SMARCC1: variants seen among roughly 807,000 people sequenced by gnomAD.
SMARCC1 encodes the protein SWI/SNF related BAF chromatin remodeling complex subunit C1.
A neutral mutation model predicts 147.4 loss-of-function variants in SMARCC1; 43 were observed. The ratio of observed to expected loss-of-function variants is 0.29; its 90% CI spans 0.23 to 0.38. The LOEUF (loss-of-function observed/expected upper bound fraction) is 0.38, where lower values mean the gene tolerates loss of function less well. Ranked by LOEUF, SMARCC1 falls within the 10% of genes least tolerant of loss-of-function variation. SMARCC1 has a pLI of 1.00. For missense variants in SMARCC1, 1,119 were observed against 1,381.1 expected (o/e 0.81, Z 3.01); for synonymous variants, 495 against 484.4 (o/e 1.02, Z -0.29).
chr3:47,638,692 G>A, intron 22 of SMARCC1, 33 bp downstream of exon 22: 1 of 1,552,222 alleles, frequency 6.4e-7, no homozygotes, highest in Non-Finnish European at 8.9e-7. Context: ...TGAAAGGCAT[G>A]CTATCTGTGG....
At position 47,663,537 on chromosome 3, in the gene SMARCC1, G is replaced by A. The variant is rs572225551; in HGVS notation, c.1900-945C>T. 14 of 988,008 alleles carry A rather than the reference G, an allele frequency of 1.4e-5. No homozygotes were observed. In the East Asian group the frequency reaches 2.7e-4, roughly 19 times the overall value. The allele number at this position is 988,008 out of a possible 1,614,324, so 61.2% of individuals were successfully genotyped here. On this transcript the variant is annotated intron_variant, in intron 19 of 27. Coordinates refer to ENST00000254480, the MANE Select transcript of SMARCC1 (RefSeq NM_003074.4). ...GAGGCGAGAGGATCTCTTGAGCCCA[G>A]GGGTTCAAGGCCAGCCTGACAAACA...
chr3:47,731,102 C>T (rs548308272), intron 5 of SMARCC1, among the ~76,000 whole-genome samples: 1 of 152,300 alleles, frequency 6.6e-6, no homozygotes, highest in Admixed American at 6.5e-5. Context: ...TTACACACAG[C>T]AGAATTTCTT....
At chr3:47,612,604 T>C (rs2032578719) in intron 25 of SMARCC1, among the ~76,000 whole-genome samples, 1 of 152,174 alleles carries the variant, frequency 6.6e-6, no homozygotes, top group African/African-American at 2.4e-5. Flanking sequence ...AATCTACTAA[T>C]AAGAGGATGA....
At chr3:47,608,241 T>C (rs939014761) in intron 26 of SMARCC1, among the ~76,000 whole-genome samples, 1 of 152,126 alleles carries the variant, frequency 6.6e-6, no homozygotes, top group African/African-American at 2.4e-5. Flanking sequence ...ATGTGCACCA[T>C]TACACCTGGC....
intron 2 of SMARCC1, among the ~76,000 whole-genome samples, chr3:47,755,800 G>A (rs1311564412): frequency 6.6e-6 from 1 of 151,726 alleles, no homozygotes; most frequent in Non-Finnish European, 1.5e-5. Context: ...AGACCAGCCT[G>A]ACCAACATGG....
chr3:47,701,447 C>A (rs1352858414), intron 10 of SMARCC1, 45 bp from the exon 11 acceptor site: 5 of 1,557,280 alleles, frequency 3.2e-6, no homozygotes, highest in Middle Eastern at 1.7e-4. Flanking sequence ...CTGATTATAG[C>A]TACTGATAGC....
intron 18 of SMARCC1, among the ~76,000 whole-genome samples, chr3:47,673,639 A>T (rs1201363215): frequency 6.6e-6 from 1 of 152,224 alleles, no homozygotes; most frequent in African/African-American, 2.4e-5. Context: ...CAGTGAGCCA[A>T]CATCGCGCCA....
Position 47,671,173 on chromosome 3 carries a change from C to CAAAAAAAAAAAAA in SMARCC1, c.1840-469_1840-457dup, listed in dbSNP as rs775759680. On this transcript the variant is annotated intron_variant, in intron 18 of 27. Coordinates refer to ENST00000254480, the MANE Select transcript of SMARCC1 (RefSeq NM_003074.4). ...CCTGGGCAACAGAGCGAGACTATCT[C>CAAAAAAAAAAAAA]AAAAAAAAAAAAAAAAAAAAAAAAA... is the stretch of plus-strand genomic sequence containing the variant. 4.2e-3 allele frequency among the ~76,000 whole-genome samples: 123 copies of CAAAAAAAAAAAAA among 29,224 alleles called. 18 individuals are homozygous for CAAAAAAAAAAAAA. Among genetic ancestry groups the CAAAAAAAAAAAAA allele is most frequent in the South Asian group, 8.5e-3 (3 of 352 alleles). 19.2% of individuals were successfully genotyped at this position (29,224 alleles called of 152,430 possible).
intron 25 of SMARCC1, among the ~76,000 whole-genome samples, chr3:47,614,317 G>A (rs1473902329): frequency 6.6e-6 from 1 of 152,126 alleles, no homozygotes; most frequent in East Asian, 1.9e-4. Flanking sequence ...GCTTCTTGAG[G>A]CCACAAGTCT....
intron 26 of SMARCC1, among the ~76,000 whole-genome samples, chr3:47,599,103 C>T (rs2032345678): frequency 6.6e-6 from 1 of 152,060 alleles, no homozygotes; most frequent in South Asian, 2.1e-4. Flanking sequence ...GTTATTCTGA[C>T]AGGCTGTGCG....
Position 47,636,795 on chromosome 3 carries a change from T to A in SMARCC1, c.2377-659A>T, listed in dbSNP as rs1397362139. The stretch of plus-strand genomic sequence containing the variant: ...CCACAACAAAATATATATATGTGTG[T>A]GTGTGTGTGTGTGTGTGTGTGTGTG... On this transcript the variant is annotated intron_variant, in intron 22 of 27. Transcript: ENST00000254480. Among the ~76,000 whole-genome samples, 4 of 52,546 alleles carry A rather than the reference T, an allele frequency of 7.6e-5. No individual in the cohort carries two copies. In the East Asian group the frequency reaches 2.0e-3, roughly 26 times the overall value. The allele number at this position is 52,546 out of a possible 152,430, so 34.5% of individuals were successfully genotyped here. A position where few individuals can be genotyped will look rare whatever the true frequency, so the allele number is the denominator to read the frequency against.
chr3:47,719,565 G>C (rs2034204637), intron 7 of SMARCC1, among the ~76,000 whole-genome samples: 1 of 151,806 alleles, frequency 6.6e-6, no homozygotes, highest in Non-Finnish European at 1.5e-5. Context: ...GCCAGGCATG[G>C]TTGGGGGGCA....
rs530915746 is a variant in SMARCC1 at position 47,663,776 on chromosome 3, G to A, written c.1900-1184C>T. On this transcript the variant is annotated intron_variant, in intron 19 of 27. Transcript: ENST00000254480. ...CCCGGTGGTACCCATAGGTTGCCTG[G>A]CCACGGCGGCCGCCCTCACCTACAG... 7 of 1,572,720 alleles carry A rather than the reference G, an allele frequency of 4.5e-6. No homozygotes were observed. In the East Asian group the frequency reaches 1.6e-4, roughly 35 times the overall value.
chr3:47,731,119 C>T (rs2106823429), intron 5 of SMARCC1, among the ~76,000 whole-genome samples: 1 of 152,284 alleles, frequency 6.6e-6, no homozygotes, highest in South Asian at 2.1e-4. Flanking sequence ...TCTTTCAAAA[C>T]CCTGCTGCTT....
At chr3:47,652,077 C>T (rs2033197069) in intron 21 of SMARCC1, among the ~76,000 whole-genome samples, 1 of 152,182 alleles carries the variant, frequency 6.6e-6, no homozygotes. Context: ...TCAGGTGATC[C>T]TCTCACCTTG....
At chr3:47,704,097 CTTTA>C (rs1017960944) in intron 10 of SMARCC1, among the ~76,000 whole-genome samples, 2 of 152,046 alleles carry the variant, frequency 1.3e-5, no homozygotes, top group Admixed American at 6.6e-5. Flanking sequence ...TGCACCCGGC[CTTTA>C]TTTATTTATT....
chr3:47,624,896 A>T (rs867277525), intron 24 of SMARCC1, among the ~76,000 whole-genome samples: 1,497 of 42,024 alleles, frequency 0.036, 15 homozygotes, highest in African/African-American at 0.1. Context: ...CTAAAAATTA[A>T]AAAAAAAAAA....
chr3:47,769,105 G>A (rs959300465), intron 2 of SMARCC1, among the ~76,000 whole-genome samples: 1 of 151,264 alleles, frequency 6.6e-6, no homozygotes, highest in African/African-American at 2.4e-5. Flanking sequence ...CAGCTACTGG[G>A]GAGGCTGAGG....
chr3:47,697,201 C>T (rs9837843), intron 11 of SMARCC1, among the ~76,000 whole-genome samples: 2,547 of 152,082 alleles, frequency 0.017, 65 homozygotes, highest in African/African-American at 0.049. Flanking sequence ...CACCTGTATC[C>T]CAGCTGAAAC....
Sources: allele counts gnomAD v4.1 joint callset (sites outside exome capture counted in the v4.1 genomes callset), GRCh38; gene constraint gnomAD v4.1.1; transcripts MANE v1.5; gene names NCBI Gene and HGNC (gene_info 2026-07-23, HGNC 2026-07-21).